Variants in HECW2 observed in about 807,000 individuals in gnomAD.
The protein encoded by HECW2 is E3 ubiquitin-protein ligase HECW2.
In HECW2, 61 loss-of-function variants were observed where a neutral mutation model predicts 175.2. The observed-to-expected ratio is 0.35, with a 90% CI of 0.28 to 0.43. The LOEUF (loss-of-function observed/expected upper bound fraction) is 0.43. Among genes scored for constraint, HECW2 ranks in the 20% least tolerant of loss-of-function variants. HECW2 has a pLI of 1.00. For missense variants in HECW2, 1,524 were observed against 2,000.5 expected (o/e 0.76, Z 4.54); for synonymous variants, 671 against 731.0 (o/e 0.92, Z 1.32).
intron 6 of HECW2, among the ~76,000 whole-genome samples, chr2:196,323,912 T>G (rs1692046482): frequency 1.1e-5 from 1 of 87,900 alleles, no homozygotes; most frequent in Non-Finnish European, 1.9e-5. Context: ...TTTTTTGTTT[T>G]TTGTTTGTTT....
Position 196,433,406 on chromosome 2 carries a change from C to T in HECW2, c.18G>A (p.Arg6=). MASSA[R]EHLLFVRRRN... The stretch of plus-strand genomic sequence containing the variant: ...GACGCCTCACAAAAAGCAGGTGCTC[C>T]CGGGCTGAACTAGCCATCCCGTCTG... Residue 6 remains arginine, a synonymous_variant, in exon 2 of 29, where the codon CGG becomes CGA. Coordinates refer to ENST00000644978, the MANE Select transcript of HECW2 (RefSeq NM_001348768.2). The T allele has an allele frequency of 6.2e-7, 1 of 1,613,636 alleles. No homozygotes were observed. The highest frequency in any genetic ancestry group is 8.5e-7 in the Non-Finnish European group (1 of 1,179,772).
intron 21 of HECW2, among the ~76,000 whole-genome samples, chr2:196,235,984 CT>C (rs1688240278): frequency 6.6e-6 from 1 of 152,054 alleles, no homozygotes; most frequent in Non-Finnish European, 1.5e-5. Flanking sequence ...AATAAACTCC[CT>C]TTTCTTTATG....
chr2:196,361,758 C>G, intron 2 of HECW2: 1 of 974,864 alleles, frequency 1.0e-6, no homozygotes, highest in African/African-American at 1.8e-5. Context: ...AACAGCTGGA[C>G]AAGGAAATCA....
At chr2:196,273,200 T>G (rs565255824) in intron 16 of HECW2, among the ~76,000 whole-genome samples, 2 of 152,096 alleles carry the variant, frequency 1.3e-5, no homozygotes, top group South Asian at 4.2e-4. Context: ...CCAGAGTAAC[T>G]GGGCCTACAG....
chr2:196,347,296 G>A (rs1243708295), intron 2 of HECW2, among the ~76,000 whole-genome samples: 3 of 151,980 alleles, frequency 2.0e-5, no homozygotes, highest in Admixed American at 6.6e-5. Flanking sequence ...TCCTGACCTC[G>A]TGATCCACCT....
At chr2:196,436,644 T>C (rs991695446) in intron 1 of HECW2, among the ~76,000 whole-genome samples, 1 of 152,126 alleles carries the variant, frequency 6.6e-6, no homozygotes, top group African/African-American at 2.4e-5. Flanking sequence ...GCTAGAAATG[T>C]GTGAATCTGC....
At chr2:196,526,461 G>GCCT (rs759885954) in intron 1 of HECW2, among the ~76,000 whole-genome samples, 44 of 151,610 alleles carry the variant, frequency 2.9e-4, no homozygotes, top group Non-Finnish European at 6.0e-4. Context: ...ATCGTCTGAA[G>GCCT]CCTTCTTCTC....
chr2:196,304,863 T>C (rs1393854786), intron 13 of HECW2, among the ~76,000 whole-genome samples: 1 of 152,226 alleles, frequency 6.6e-6, no homozygotes, highest in African/African-American at 2.4e-5. Flanking sequence ...TTGCTTACAA[T>C]ACTAATAATC....
chr2:196,329,765 A>C, intron 4 of HECW2, 115 bp from the exon 5 acceptor site: 1 of 746,640 alleles, frequency 1.3e-6, no homozygotes, highest in South Asian at 1.7e-5. Flanking sequence ...CGGGTATTGT[A>C]TCATGTGTCC....
At chr2:196,243,171 CTT>C (rs57767817) in intron 19 of HECW2, among the ~76,000 whole-genome samples, 2 of 142,348 alleles carry the variant, frequency 1.4e-5, no homozygotes, top group Admixed American at 7.0e-5. Context: ...TTATTGGATT[CTT>C]TTTTTTTTTT....
At chr2:196,289,346 C>G (rs1006522744) in intron 14 of HECW2, 1 of 152,116 alleles carries the variant, frequency 6.6e-6, no homozygotes, top group Admixed American at 6.5e-5. Context: ...TTGCATTACA[C>G]GAAAAATGTT....
At chr2:196,588,661 C>T (rs1472608302) in intron 1 of HECW2, among the ~76,000 whole-genome samples, 1 of 152,154 alleles carries the variant, frequency 6.6e-6, no homozygotes, top group African/African-American at 2.4e-5. Context: ...ACATTGCATA[C>T]ACACACACAC....
chr2:196,285,948 G>T (rs1690371489), intron 14 of HECW2, among the ~76,000 whole-genome samples: 1 of 152,232 alleles, frequency 6.6e-6, no homozygotes, highest in Non-Finnish European at 1.5e-5. Context: ...TCGGTTAGTA[G>T]ATGTGGACAA....
intron 18 of HECW2, among the ~76,000 whole-genome samples, chr2:196,256,408 T>G (rs948664220): frequency 6.6e-6 from 1 of 152,196 alleles, no homozygotes. Context: ...TTCAAATACA[T>G]TTGAATTCTA....
At chr2:196,520,405 T>C (rs1688319379) in intron 1 of HECW2, among the ~76,000 whole-genome samples, 2 of 152,134 alleles carry the variant, frequency 1.3e-5, no homozygotes, top group African/African-American at 4.8e-5. Context: ...GTTAACAAAA[T>C]CTTCCTGATA....
At chr2:196,214,511 A>G (rs1575231860) in intron 28 of HECW2, among the ~76,000 whole-genome samples, 1 of 152,218 alleles carries the variant, frequency 6.6e-6, no homozygotes, top group East Asian at 1.9e-4. Context: ...CTGTTGATTT[A>G]TGTGTTGAAG....
chr2:196,430,466 G>A lies in HECW2; in HGVS notation c.292+2666C>T, dbSNP rs189723967. On this transcript the variant is annotated intron_variant, in intron 2 of 28. Coordinates refer to ENST00000644978, the MANE Select transcript of HECW2 (RefSeq NM_001348768.2). Reference sequence around the variant, plus strand: ...GTCAATAGGAACTGATCATGAGATGGCCTAGATGTTGAAATTAGAAGACAG... The same window carrying A: ...GTCAATAGGAACTGATCATGAGATGACCTAGATGTTGAAATTAGAAGACAG... 1.6e-4 allele frequency among the ~76,000 whole-genome samples: 24 copies of A among 152,192 alleles called. No individual in the cohort carries two copies. In the East Asian group the frequency reaches 4.2e-3, roughly 27 times the overall value.
intron 19 of HECW2, among the ~76,000 whole-genome samples, chr2:196,248,404 C>G (rs1253062551): frequency 1.3e-5 from 2 of 152,106 alleles, no homozygotes; most frequent in Non-Finnish European, 2.9e-5. Context: ...TCTCTGGGAT[C>G]ACAACTTCCC....
rs568070266 is a variant in HECW2 at position 196,442,575 on chromosome 2, T to C, written c.-35-9117A>G. On this transcript the variant is annotated intron_variant, in intron 1 of 28. Coordinates refer to ENST00000644978, the MANE Select transcript of HECW2 (RefSeq NM_001348768.2). ...ACAAATGTCCAACAATGGAAAAGTGTTTACATTATAGCATATCTACCTTAT... is the reference window on the plus strand; with the variant it reads ...ACAAATGTCCAACAATGGAAAAGTGCTTACATTATAGCATATCTACCTTAT... 6.0e-4 allele frequency among the ~76,000 whole-genome samples: 92 copies of C among 152,316 alleles called. 2 individuals are homozygous for C. In the South Asian group the frequency reaches 0.018, roughly 30 times the overall value.
Sources: allele counts gnomAD v4.1 joint callset (sites outside exome capture counted in the v4.1 genomes callset), GRCh38; gene constraint gnomAD v4.1.1; transcripts MANE v1.5; gene names NCBI Gene and HGNC (gene_info 2026-07-23, HGNC 2026-07-21).